Variants in ARHGAP6 observed in about 807,000 individuals in gnomAD.
ARHGAP6 encodes the protein rho GTPase-activating protein 6.
Under a neutral mutation model 55.7 loss-of-function variants are expected in ARHGAP6, and 16 were observed. The observed-to-expected ratio is 0.29, with a 90% CI of 0.19 to 0.44. The LOEUF (loss-of-function observed/expected upper bound fraction) is 0.44. Ranked by LOEUF, ARHGAP6 falls within the 20% of genes least tolerant of loss-of-function variation. The pLI is 1.00. For synonymous variants in ARHGAP6, 382 were observed against 360.9 expected (o/e 1.06, Z -0.66); for missense variants, 698 against 808.9 (o/e 0.86, Z 1.66).
At chrX:11,146,581 C>T (rs958625725) in intron 10 of ARHGAP6, among the ~76,000 whole-genome samples, 3 of 112,467 alleles carry the variant, frequency 2.7e-5, no homozygotes, top group Admixed American at 9.3e-5. Flanking sequence ...TGAAATATCC[C>T]CTTGGCCTGT....
intron 1 of ARHGAP6, among the ~76,000 whole-genome samples, chrX:11,504,460 G>T (rs5935084): frequency 0.02 from 2,177 of 111,434 alleles, 28 homozygotes; most frequent in Middle Eastern, 0.065. Context: ...TCCAGATCTT[G>T]CCAAATGCCC....
chrX:11,401,932 G>T lies in ARHGAP6; in HGVS notation c.589-147225C>A, dbSNP rs375669103. On this transcript the variant is annotated intron_variant, in intron 1 of 12. Coordinates refer to ENST00000337414, the MANE Select transcript of ARHGAP6 (RefSeq NM_013427.3). ...ACATATAAATAATTGAAGGAGATCT[G>T]ATAACATGTTAAATTTTAAAATTCA... Among the ~76,000 whole-genome samples the T allele has an allele frequency of 3.1e-4, 35 of 112,045 alleles. No homozygotes were observed. The East Asian group carries it at 9.7e-3, about 31-fold the overall frequency.
rs142225525 is a variant in ARHGAP6, at chrX:11,245,790, C to G, written c.748+8758G>C. On this transcript the variant is annotated intron_variant, in intron 2 of 12. Transcript: ENST00000337414. The stretch of plus-strand genomic sequence containing the variant: ...TTCCTGGGCTGAGATGTAAAATGTA[C>G]TTCTCACTGCAGATAGGTTGTGGAC... Among the ~76,000 whole-genome samples, 167 of 112,049 alleles carry G rather than the reference C, an allele frequency of 1.5e-3. 1 individual carries two copies. Among genetic ancestry groups the G allele is most frequent in the African/African-American group, 5.2e-3 (161 of 30,880 alleles).
At chrX:11,503,759 G>T (rs2050703605) in intron 1 of ARHGAP6, among the ~76,000 whole-genome samples, 1 of 111,033 alleles carries the variant, frequency 9.0e-6, no homozygotes, top group African/African-American at 3.3e-5. Flanking sequence ...GCAACTCAAA[G>T]AAATGAATTT....
intron 1 of ARHGAP6, among the ~76,000 whole-genome samples, chrX:11,631,642 C>T (rs2052363247): frequency 9.0e-6 from 1 of 111,400 alleles, no homozygotes; most frequent in Admixed American, 9.6e-5. Context: ...AAGGGAGGCA[C>T]AAAAGTCTAC....
At chrX:11,454,834 A>G (rs1370641412) in intron 1 of ARHGAP6, among the ~76,000 whole-genome samples, 4 of 112,694 alleles carry the variant, frequency 3.5e-5, no homozygotes, top group African/African-American at 1.3e-4. Flanking sequence ...TATGGTGTAA[A>G]ATATTTGTTA....
At chrX:11,438,043 G>A (rs1221302798) in intron 1 of ARHGAP6, among the ~76,000 whole-genome samples, 1 of 112,576 alleles carries the variant, frequency 8.9e-6, no homozygotes, top group African/African-American at 3.2e-5. Flanking sequence ...CCACCTGGGT[G>A]AGGTATGAGT....
intron 1 of ARHGAP6, among the ~76,000 whole-genome samples, chrX:11,306,827 G>C (rs1320286035): frequency 8.9e-6 from 1 of 112,112 alleles, no homozygotes; most frequent in African/African-American, 3.2e-5. Context: ...ATATACTAGA[G>C]AGCTAACTGT....
At chrX:11,358,341 T>A (rs918504318) in intron 1 of ARHGAP6, among the ~76,000 whole-genome samples, 1 of 112,208 alleles carries the variant, frequency 8.9e-6, no homozygotes, top group Middle Eastern at 4.7e-3. Flanking sequence ...CATGTACATG[T>A]TTCCATGTAG....
At chrX:11,255,948 T>C (rs1230606368) in intron 1 of ARHGAP6, among the ~76,000 whole-genome samples, 1 of 112,445 alleles carries the variant, frequency 8.9e-6, no homozygotes, top group Non-Finnish European at 1.9e-5. Context: ...GTATCAGGCA[T>C]GCTGCAACAG....
chrX:11,452,122 G>A (rs1287955286), intron 1 of ARHGAP6, among the ~76,000 whole-genome samples: 1 of 111,837 alleles, frequency 8.9e-6, no homozygotes, highest in East Asian at 2.8e-4. Context: ...TATGGACTAG[G>A]TACATGATAA....
chrX:11,314,119 G>A (rs763034623), intron 1 of ARHGAP6, among the ~76,000 whole-genome samples: 1 of 112,532 alleles, frequency 8.9e-6, no homozygotes, highest in Non-Finnish European at 1.9e-5. Flanking sequence ...ATTACGAATT[G>A]TTTTTACATG....
chrX:11,601,041 G>A (rs930435263), intron 1 of ARHGAP6, among the ~76,000 whole-genome samples: 3 of 112,331 alleles, frequency 2.7e-5, no homozygotes, highest in Non-Finnish European at 3.8e-5. Flanking sequence ...ATCCACAGAG[G>A]CATGTCCAGA....
At chrX:11,344,357 A>C (rs1306928766) in intron 1 of ARHGAP6, among the ~76,000 whole-genome samples, 1 of 111,275 alleles carries the variant, frequency 9.0e-6, no homozygotes, top group Non-Finnish European at 1.9e-5. Context: ...TCTCAACCTC[A>C]GCAGTACAGT....
Position 11,298,306 on chromosome X carries a change from T to C in ARHGAP6, c.589-43599A>G, listed in dbSNP as rs191283789. ...TGTAGACATTTTGTTCCTTATTCCC[T>C]GAAAATATTAGGCATGCATTAAAAT... On this transcript the variant is annotated intron_variant, in intron 1 of 12. Coordinates refer to ENST00000337414, the MANE Select transcript of ARHGAP6 (RefSeq NM_013427.3). 5 of 1,196,455 alleles carry C rather than the reference T, an allele frequency of 4.2e-6. No individual in the cohort carries two copies. The East Asian group carries it at 1.5e-4, about 35-fold the overall frequency.
At chrX:11,451,152 C>T (rs1029904888) in intron 1 of ARHGAP6, among the ~76,000 whole-genome samples, 58 of 111,607 alleles carry the variant, frequency 5.2e-4, no homozygotes, top group African/African-American at 1.8e-3. Context: ...CAATAGCTGC[C>T]CCTTACAAGA....
At chrX:11,569,526 T>C (rs1239961158) in intron 1 of ARHGAP6, among the ~76,000 whole-genome samples, 1 of 111,402 alleles carries the variant, frequency 9.0e-6, no homozygotes, top group Non-Finnish European at 1.9e-5. Context: ...AAAATCCATG[T>C]AAGGTGATAA....
At chrX:11,427,811 GGGAAGA>G (rs2049900739) in intron 1 of ARHGAP6, 2 of 635,434 alleles carry the variant, frequency 3.1e-6, no homozygotes, top group South Asian at 7.3e-5. Context: ...AAGGGGGAGG[GGGAAGA>G]GGAGGAGGAG....
intron 8 of ARHGAP6, among the ~76,000 whole-genome samples, chrX:11,174,623 T>TTTTC (rs55966871): frequency 0.042 from 1,973 of 46,730 alleles, 90 homozygotes; most frequent in Non-Finnish European, 0.048. Flanking sequence ...TTTCTCTTTC[T>TTTTC]TTTCTTTCTT....
Sources: allele counts gnomAD v4.1 joint callset (sites outside exome capture counted in the v4.1 genomes callset), GRCh38; gene constraint gnomAD v4.1.1; transcripts MANE v1.5; gene names NCBI Gene and HGNC (gene_info 2026-07-23, HGNC 2026-07-21).